SOX5: variants seen among roughly 807,000 people sequenced by gnomAD.
The protein encoded by SOX5 is transcription factor SOX-5.
SOX5 carries 9 observed loss-of-function variants against 92.0 expected under a neutral mutation model. That is an observed-to-expected ratio of 0.10 (90% CI 0.06 to 0.17). The LOEUF is 0.17. Among genes scored for constraint, SOX5 ranks in the 10% least tolerant of loss-of-function variants. The pLI, the probability that SOX5 is intolerant of heterozygous loss-of-function variation, is 1.00. For missense variants in SOX5, 642 were observed against 944.5 expected, an observed-to-expected ratio of 0.68 and a Z score of 4.20; for synonymous variants, 344 against 336.3, an observed-to-expected ratio of 1.02 and a Z score of -0.25.
intron 4 of SOX5, among the ~76,000 whole-genome samples, chr12:24,089,566 T>C (rs2137745870): frequency 6.6e-6 from 1 of 152,304 alleles, no homozygotes; most frequent in East Asian, 1.9e-4. Flanking sequence ...AAATTATTTT[T>C]ATAATTAACT....
In SOX5 at chr12:24,134,955, TA is replaced by T. The variant is rs1430221994; in HGVS notation, c.-2+78387del. On this transcript the variant is annotated intron_variant, in intron 4 of 4. Transcript: ENST00000446891. ...AATACATTCACTTATTTGTAAAAGT[TA>T]AAATCTGTCCTGGACTGAAAGAAAA... is the stretch of plus-strand genomic sequence containing the variant. Among the ~76,000 whole-genome samples the T allele has an allele frequency of 2.0e-5, 3 of 152,284 alleles. No individual in the cohort carries two copies. In the East Asian group the frequency reaches 5.8e-4, roughly 29 times the overall value.
intron 4 of SOX5, among the ~76,000 whole-genome samples, chr12:23,998,445 A>G (rs1461715325): frequency 6.6e-6 from 1 of 152,128 alleles, no homozygotes; most frequent in African/African-American, 2.4e-5. Context: ...TCAAAGACCT[A>G]TGAGAATACT....
At chr12:23,557,447 T>A (rs1945375660) in intron 11 of SOX5, among the ~76,000 whole-genome samples, 1 of 152,224 alleles carries the variant, frequency 6.6e-6, no homozygotes, top group South Asian at 2.1e-4. Context: ...TGTAGGCAAT[T>A]AATGTTCAGT....
At chr12:23,969,981 C>A (rs1424764100) in intron 4 of SOX5, among the ~76,000 whole-genome samples, 1 of 152,204 alleles carries the variant, frequency 6.6e-6, no homozygotes, top group African/African-American at 2.4e-5. Flanking sequence ...CCTCAAAGTT[C>A]TGTGGCCAAC....
intron 3 of SOX5, among the ~76,000 whole-genome samples, chr12:23,816,766 A>G (rs2096003753): frequency 6.6e-6 from 1 of 152,198 alleles, no homozygotes; most frequent in Non-Finnish European, 1.5e-5. Flanking sequence ...AGAGTTACAC[A>G]GGAAGTGAGC....
chr12:24,170,818 G>T (rs1329708121), intron 4 of SOX5, among the ~76,000 whole-genome samples: 2 of 152,178 alleles, frequency 1.3e-5, no homozygotes, highest in Non-Finnish European at 2.9e-5. Context: ...ATATTGCGGT[G>T]CCACTAATGA....
rs927110109 is a variant in SOX5, at chr12:24,216,356, C to T, written c.-76-2939G>A. 5.3e-5 allele frequency among the ~76,000 whole-genome samples: 8 copies of T among 152,178 alleles called. No individual in the cohort carries two copies. The South Asian group carries it at 8.3e-4, about 16-fold the overall frequency. On this transcript the variant is annotated intron_variant, in intron 3 of 4. Transcript: ENST00000446891. ...ACATTTAGCCGGGCGTGGTGGCGGG[C>T]GGCTGTAGTCCCAGCTACTCCGGAG...
At chr12:24,498,940 T>A (rs910804951) in intron 1 of SOX5, among the ~76,000 whole-genome samples, 2 of 152,190 alleles carry the variant, frequency 1.3e-5, no homozygotes, top group African/African-American at 4.8e-5. Flanking sequence ...GCTTGCCGTT[T>A]ACCTCTTCTC....
intron 4 of SOX5, among the ~76,000 whole-genome samples, chr12:24,184,986 G>T (rs192051455): frequency 2.0e-5 from 3 of 152,068 alleles, no homozygotes; most frequent in East Asian, 3.9e-4. Context: ...TTATTGTTTT[G>T]CTACATTTTG....
chr12:24,413,542 T>C (rs934922744), intron 1 of SOX5, among the ~76,000 whole-genome samples: 1 of 152,216 alleles, frequency 6.6e-6, no homozygotes, highest in African/African-American at 2.4e-5. Flanking sequence ...ACTTTTTATC[T>C]AAAGTGTGTC....
intron 14 of SOX5, among the ~76,000 whole-genome samples, chr12:23,535,998 A>G (rs1333471423): frequency 1.3e-5 from 2 of 152,204 alleles, no homozygotes; most frequent in Non-Finnish European, 2.9e-5. Context: ...TGTGTGATCC[A>G]CAAAGGCCAC....
intron 3 of SOX5, among the ~76,000 whole-genome samples, chr12:24,239,846 A>T (rs1965230490): frequency 6.6e-6 from 1 of 152,166 alleles, no homozygotes; most frequent in Non-Finnish European, 1.5e-5. Context: ...CTTTTATTTA[A>T]AAAGGAGATT....
chr12:24,270,723 T>C (rs903056953), intron 3 of SOX5, among the ~76,000 whole-genome samples: 1 of 152,214 alleles, frequency 6.6e-6, no homozygotes, highest in African/African-American at 2.4e-5. Flanking sequence ...TACACTAGTA[T>C]TTCTTGCTTG....
At chr12:23,861,578 C>T (rs2096757976) in intron 2 of SOX5, among the ~76,000 whole-genome samples, 1 of 152,094 alleles carries the variant, frequency 6.6e-6, no homozygotes, top group African/African-American at 2.4e-5. Flanking sequence ...AGTGCTCTGG[C>T]TTGGTGCTCA....
intron 8 of SOX5, among the ~76,000 whole-genome samples, chr12:23,605,550 A>G (rs1386394957): frequency 6.6e-6 from 1 of 151,514 alleles, no homozygotes; most frequent in Non-Finnish European, 1.5e-5. Context: ...GATTCCATGG[A>G]TAGCGTTTAC....
chr12:24,324,177 A>G (rs1282950869), intron 2 of SOX5, among the ~76,000 whole-genome samples: 3 of 152,154 alleles, frequency 2.0e-5, no homozygotes, highest in Admixed American at 6.5e-5. Flanking sequence ...TTTGAGATGT[A>G]GCAATTAGTA....
chr12:23,859,525 A>G (rs1184324725), intron 2 of SOX5, among the ~76,000 whole-genome samples: 4 of 152,192 alleles, frequency 2.6e-5, no homozygotes, highest in Non-Finnish European at 2.9e-5. Context: ...ACGTGTGCCC[A>G]GCGGGACATG....
chr12:24,102,418 A>C (rs1946198158), intron 4 of SOX5, among the ~76,000 whole-genome samples: 1 of 152,232 alleles, frequency 6.6e-6, no homozygotes, highest in Non-Finnish European at 1.5e-5. Flanking sequence ...TAGAATAAGT[A>C]TAGGAAATGA....
chr12:23,588,305 T>C (rs946282767), intron 9 of SOX5, among the ~76,000 whole-genome samples: 3 of 151,998 alleles, frequency 2.0e-5, no homozygotes, highest in Non-Finnish European at 4.4e-5. Context: ...ATTATAACGA[T>C]TTTGGATTTG....
Sources: gnomAD v4.1 joint callset for allele counts (sites outside exome capture counted in the v4.1 genomes callset) on GRCh38, gnomAD v4.1.1 for gene constraint, MANE v1.5 for transcripts, NCBI Gene and HGNC (gene_info 2026-07-23, HGNC 2026-07-21) for gene names.